SGCZ: variants seen among roughly 807,000 people sequenced by gnomAD.
SGCZ encodes sarcoglycan zeta, also known as zeta-sarcoglycan.
SGCZ carries 40 observed loss-of-function variants against 41.3 expected under a neutral mutation model. That is an observed-to-expected ratio of 0.97 (90% confidence interval 0.75 to 1.26). The LOEUF (loss-of-function observed/expected upper bound fraction) is 1.26, where lower values mean the gene tolerates loss of function less well. Ranked by LOEUF, SGCZ falls within the 50% of genes most tolerant of loss-of-function variation. SGCZ has a pLI of 0.00. For missense variants in SGCZ, 552 were observed against 369.8 expected (o/e 1.49, Z -4.04); for synonymous variants, 206 against 137.5 (o/e 1.50, Z -3.49).
At chr8:14,647,495 A>T (rs1055461396) in intron 1 of SGCZ, among the ~76,000 whole-genome samples, 15 of 152,024 alleles carry the variant, frequency 9.9e-5, no homozygotes, top group African/African-American at 3.4e-4. Context: ...TATATAAAAT[A>T]AAACATATCT....
intron 4 of SGCZ, among the ~76,000 whole-genome samples, chr8:14,222,519 A>C (rs909720283): frequency 1.3e-5 from 2 of 152,010 alleles, no homozygotes; most frequent in African/African-American, 4.8e-5. Flanking sequence ...CTTAACTTTC[A>C]TGCATATAAA....
intron 1 of SGCZ, among the ~76,000 whole-genome samples, chr8:14,662,117 T>G (rs1807773382): frequency 6.7e-6 from 1 of 150,218 alleles, no homozygotes; most frequent in South Asian, 2.1e-4. Context: ...CTGAAGAAAT[T>G]CAAAATCCAG....
At chr8:14,669,406 TAA>T (rs34455994) in intron 1 of SGCZ, among the ~76,000 whole-genome samples, 132 of 149,904 alleles carry the variant, frequency 8.8e-4, no homozygotes, top group South Asian at 1.9e-3. Flanking sequence ...AATAAATAAA[TAA>T]ATAGGGTTCC....
At chr8:14,977,474 T>A (rs1428585212) in intron 1 of SGCZ, among the ~76,000 whole-genome samples, 7 of 152,218 alleles carry the variant, frequency 4.6e-5, no homozygotes, top group Admixed American at 2.0e-4. Flanking sequence ...ACTACTACAT[T>A]ACTTTCTTTC....
chr8:14,220,503 T>C (rs562345779), intron 4 of SGCZ, among the ~76,000 whole-genome samples: 3 of 152,260 alleles, frequency 2.0e-5, no homozygotes, highest in Non-Finnish European at 4.4e-5. Context: ...ACTGCTGCCT[T>C]CACTTTGTAA....
At chr8:14,192,223 G>T (rs1237257981) in intron 4 of SGCZ, among the ~76,000 whole-genome samples, 1 of 151,880 alleles carries the variant, frequency 6.6e-6, no homozygotes, top group Non-Finnish European at 1.5e-5. Context: ...TTTTTATTTA[G>T]CAATTATTAT....
intron 5 of SGCZ, among the ~76,000 whole-genome samples, chr8:14,156,366 C>T (rs1010680273): frequency 5.3e-5 from 8 of 151,876 alleles, no homozygotes; most frequent in South Asian, 2.1e-4. Flanking sequence ...GAGGCTGAGG[C>T]GGGAGAATGG....
At chr8:14,334,833 T>C (rs1297494363) in intron 2 of SGCZ, among the ~76,000 whole-genome samples, 4 of 152,158 alleles carry the variant, frequency 2.6e-5, no homozygotes, top group Admixed American at 2.0e-4. Context: ...AGTTCACTTT[T>C]TTACTTCTTC....
intron 4 of SGCZ, among the ~76,000 whole-genome samples, chr8:14,192,033 A>G (rs960345474): frequency 2.0e-5 from 3 of 152,220 alleles, no homozygotes; most frequent in East Asian, 3.9e-4. Flanking sequence ...ATAGGAGGTA[A>G]TACAAAATTC....
chr8:14,736,667 A>G lies in SGCZ; in HGVS notation c.40-181741T>C, dbSNP rs191899016. 1.6e-3 allele frequency among the ~76,000 whole-genome samples: 242 copies of G among 152,110 alleles called. 1 individual carries two copies. Among genetic ancestry groups the G allele is most frequent in the Middle Eastern group, 6.8e-3 (2 of 294 alleles). On this transcript the variant is annotated intron_variant, in intron 1 of 7. Transcript: ENST00000382080. ...TCAAGTCCCCAGAGTCCATTGTGTCATTCTTATGCCTTTGTGTCCTCATAG... is the reference window on the plus strand; with the variant it reads ...TCAAGTCCCCAGAGTCCATTGTGTCGTTCTTATGCCTTTGTGTCCTCATAG...
chr8:14,481,811 C>G (rs4270967), intron 2 of SGCZ, among the ~76,000 whole-genome samples: 14 of 152,250 alleles, frequency 9.2e-5, no homozygotes, highest in African/African-American at 3.1e-4. Context: ...AAGGGATAAC[C>G]GATTCCTTTA....
chr8:15,205,913 G>T (rs1300282640), intron 1 of SGCZ, among the ~76,000 whole-genome samples: 1 of 152,122 alleles, frequency 6.6e-6, no homozygotes, highest in Non-Finnish European at 1.5e-5. Flanking sequence ...TCATAAAAAA[G>T]AATGAAATTG....
chr8:15,101,265 T>C (rs1340551906), intron 1 of SGCZ, among the ~76,000 whole-genome samples: 4 of 152,224 alleles, frequency 2.6e-5, no homozygotes, highest in African/African-American at 7.2e-5. Context: ...TTACAACTTC[T>C]GCTTTGTAAT....
intron 1 of SGCZ, among the ~76,000 whole-genome samples, chr8:14,811,306 C>T (rs1022468407): frequency 1.3e-5 from 2 of 151,856 alleles, no homozygotes; most frequent in Non-Finnish European, 2.9e-5. Context: ...TAACTTACAT[C>T]AGTTTATACA....
chr8:14,772,842 G>T (rs1227540985), intron 1 of SGCZ, among the ~76,000 whole-genome samples: 5 of 152,038 alleles, frequency 3.3e-5, no homozygotes, highest in African/African-American at 1.2e-4. Context: ...GGACATTTGG[G>T]TTGGTTCCAA....
chr8:14,985,608 G>C (rs149093385), intron 1 of SGCZ, among the ~76,000 whole-genome samples: 2 of 152,278 alleles, frequency 1.3e-5, no homozygotes, highest in East Asian at 3.9e-4. Flanking sequence ...ATTCCATTCA[G>C]TTCACTGCCA....
At chr8:14,486,987 G>T (rs1801693331) in intron 2 of SGCZ, among the ~76,000 whole-genome samples, 1 of 152,138 alleles carries the variant, frequency 6.6e-6, no homozygotes, top group East Asian at 1.9e-4. Context: ...GGACTATGTT[G>T]TCTGAAACAT....
rs1240467946 is a variant in SGCZ at position 14,178,041 on chromosome 8, T to G, written c.425-13339A>C. ...GGCATGATCCCGGCTCACTGCGACC[T>G]CTGCCTCCTGGGTTCAAGGGACTCT... On this transcript the variant is annotated intron_variant, in intron 4 of 7. Transcript: ENST00000382080. 3.7e-5 allele frequency among the ~76,000 whole-genome samples: 5 copies of G among 135,482 alleles called. No individual in the cohort carries two copies. The East Asian group carries it at 1.2e-3, about 33-fold the overall frequency. 88.9% of individuals were successfully genotyped at this position (135,482 alleles called of 152,430 possible).
intron 2 of SGCZ, among the ~76,000 whole-genome samples, chr8:14,519,505 A>G (rs1802724680): frequency 1.3e-5 from 2 of 152,140 alleles, no homozygotes; most frequent in African/African-American, 4.8e-5. Flanking sequence ...GATACATTGC[A>G]ACGTTCATGT....
Sources: gnomAD v4.1 joint callset for allele counts (sites outside exome capture counted in the v4.1 genomes callset) on GRCh38, gnomAD v4.1.1 for gene constraint, MANE v1.5 for transcripts, NCBI Gene and HGNC (gene_info 2026-07-23, HGNC 2026-07-21) for gene names.